GRID2: variants seen among roughly 807,000 people sequenced by gnomAD.
GRID2 encodes the protein glutamate receptor ionotropic, delta-2.
GRID2 carries 33 observed loss-of-function variants against 114.8 expected under a neutral mutation model. The ratio of observed to expected loss-of-function variants is 0.29; its 90% CI spans 0.22 to 0.38. GRID2 has a LOEUF of 0.38. Among genes scored for constraint, GRID2 ranks in the 10% least tolerant of loss-of-function variants. The probability of loss-of-function intolerance (pLI) is 1.00; values close to 1 mark genes in which losing one functional copy is unlikely to be tolerated. For synonymous variants in GRID2, 505 were observed against 449.9 expected (o/e 1.12, Z -1.55); for missense variants, 1,184 against 1,257.7 (o/e 0.94, Z 0.89).
intron 1 of GRID2, among the ~76,000 whole-genome samples, chr4:92,348,932 T>C (rs1285244365): frequency 6.6e-6 from 1 of 152,052 alleles, no homozygotes; most frequent in Non-Finnish European, 1.5e-5. Context: ...TGGCCTTAAA[T>C]TGGTGGACCT....
chr4:93,302,309 T>C (rs1754961771), intron 8 of GRID2, among the ~76,000 whole-genome samples: 1 of 152,192 alleles, frequency 6.6e-6, no homozygotes, highest in Non-Finnish European at 1.5e-5. Context: ...TACTGTCTTC[T>C]CTATAGGAAA....
chr4:92,407,041 C>T (rs1579309287), intron 1 of GRID2, among the ~76,000 whole-genome samples: 2 of 151,788 alleles, frequency 1.3e-5, no homozygotes, highest in Admixed American at 6.6e-5. Flanking sequence ...TAGTGGAAAG[C>T]GAAGGGGAAG....
chr4:93,772,265 A>G lies in GRID2; in HGVS notation c.2791A>G (p.Thr931Ala), dbSNP rs750053158. 6.2e-7 allele frequency: 1 copy of G among 1,613,930 alleles called. No homozygotes were observed. The highest frequency in any genetic ancestry group is 8.5e-7 in the Non-Finnish European group (1 of 1,179,926). Residue 931 changes from threonine to alanine, a missense_variant, in exon 16 of 16, where the codon ACC (threonine) becomes GCC (alanine). Around this residue, in one of 3 missense-constraint regions of GRID2, gnomAD observed 717 missense variants for 796.9 expected, o/e 0.90. Transcript: ENST00000282020. ...CAGGAACACTCATATTACCACAACA[A>G]CCTTTATCCCAGAGCAGATCCAGAC... Reference protein sequence around the residue: ...DFRNTHITTTTFIPEQIQTLS... With the variant: ...DFRNTHITTTAFIPEQIQTLS...
intron 13 of GRID2, among the ~76,000 whole-genome samples, chr4:93,547,027 A>G (rs1395155694): frequency 6.6e-6 from 1 of 152,138 alleles, no homozygotes; most frequent in Non-Finnish European, 1.5e-5. Context: ...TCAAAGGTGA[A>G]AGACACAGGG....
chr4:93,006,668 GT>G (rs1283646578), intron 2 of GRID2, among the ~76,000 whole-genome samples: 3 of 149,780 alleles, frequency 2.0e-5, no homozygotes, highest in Non-Finnish European at 4.5e-5. Context: ...AATTAAATAA[GT>G]TTTTTTTTCA....
intron 2 of GRID2, among the ~76,000 whole-genome samples, chr4:92,937,072 C>T (rs1168352740): frequency 6.8e-6 from 1 of 146,436 alleles, no homozygotes; most frequent in African/African-American, 2.4e-5. Context: ...TTTATACTTT[C>T]TGCATACTAG....
chr4:93,590,647 G>A lies in GRID2; in HGVS notation c.2194-35622G>A, dbSNP rs1738156744. On this transcript the variant is annotated intron_variant, in intron 13 of 15. Transcript: ENST00000282020. ...TTGAATCTGTAAATTACCTTGGGCAGTATGGCCATTTTCACGATATTGATT... is the reference window on the plus strand; with the variant it reads ...TTGAATCTGTAAATTACCTTGGGCAATATGGCCATTTTCACGATATTGATT... Among the ~76,000 whole-genome samples, 6 of 152,256 alleles carry A rather than the reference G, an allele frequency of 3.9e-5. No homozygotes were observed. In the South Asian group the frequency reaches 1.2e-3, roughly 32 times the overall value.
intron 14 of GRID2, among the ~76,000 whole-genome samples, chr4:93,729,299 T>C (rs1730258832): frequency 6.6e-6 from 1 of 152,092 alleles, no homozygotes; most frequent in African/African-American, 2.4e-5. Context: ...TTCTAGTAAA[T>C]TTCAATCTAC....
chr4:93,550,756 C>A (rs1733679006), intron 13 of GRID2, among the ~76,000 whole-genome samples: 1 of 152,092 alleles, frequency 6.6e-6, no homozygotes. Context: ...CATATTCCAG[C>A]AATGTTTTTA....
At chr4:93,736,526 A>G (rs1730934523) in intron 14 of GRID2, among the ~76,000 whole-genome samples, 1 of 152,042 alleles carries the variant, frequency 6.6e-6, no homozygotes, top group African/African-American at 2.4e-5. Context: ...TCAATGTGCT[A>G]TTTAGCAGAA....
In GRID2 at chr4:93,626,286, T is replaced by C. The variant is rs756831118; in HGVS notation, c.2211T>C (p.Tyr737=). The change falls in exon 14 of 16, where the codon TAT becomes TAC. Residue 737 remains tyrosine, a synonymous_variant. Coordinates refer to ENST00000282020, the MANE Select transcript of GRID2 (RefSeq NM_001510.4). ...TTTCACAGGTAAAATATGGAAATTATGCTTTCGTATGGGATGCAGCTGTAT... is the reference window on the plus strand; with the variant it reads ...TTTCACAGGTAAAATATGGAAATTACGCTTTCGTATGGGATGCAGCTGTAT... The part of the protein sequence containing the change: ...AGIQKVKYGN[Y]AFVWDAAVLE... 46 of 1,593,802 alleles carry C rather than the reference T, an allele frequency of 2.9e-5. No homozygotes were observed. The highest frequency in any genetic ancestry group is 3.8e-5 in the Non-Finnish European group (44 of 1,167,004).
intron 1 of GRID2, among the ~76,000 whole-genome samples, chr4:92,308,739 A>C (rs534637853): frequency 6.8e-6 from 1 of 146,360 alleles, no homozygotes; most frequent in Non-Finnish European, 1.5e-5. Flanking sequence ...TTCTTTTACC[A>C]TTTTTTTTTT....
rs1408680721 is a variant in GRID2, at chr4:93,769,371, G to A, written c.2522G>A (p.Gly841Glu). The change falls in exon 15 of 16, where the codon GGA (glycine) becomes GAA (glutamate). Residue 841 changes from glycine to glutamate, a missense_variant. Coordinates refer to ENST00000282020, the MANE Select transcript of GRID2 (RefSeq NM_001510.4). ...GGGGTCTTTTGTATCCTGGCTGCTGGAATTGTCCTCTCCTGCTTCATAGCC... is the reference window on the plus strand; with the variant it reads ...GGGGTCTTTTGTATCCTGGCTGCTGAAATTGTCCTCTCCTGCTTCATAGCC... The part of the protein sequence containing the change: ...FAGVFCILAA[G>E]IVLSCFIAML... The A allele has an allele frequency of 6.2e-7, 1 of 1,614,006 alleles. No individual in the cohort carries two copies. The highest frequency in any genetic ancestry group is 8.5e-7 in the Non-Finnish European group (1 of 1,179,948).
chr4:93,083,546 A>G (rs1730064185), intron 2 of GRID2, among the ~76,000 whole-genome samples: 1 of 151,900 alleles, frequency 6.6e-6, no homozygotes, highest in Non-Finnish European at 1.5e-5. Flanking sequence ...ACACAAAAAA[A>G]TCAGCTGGGC....
At chr4:92,772,540 C>T (rs549147382) in intron 2 of GRID2, among the ~76,000 whole-genome samples, 14 of 152,168 alleles carry the variant, frequency 9.2e-5, no homozygotes, top group African/African-American at 2.4e-4. Flanking sequence ...TTATTCATAA[C>T]GAGCATATCT....
chr4:93,787,658 G>A (rs1734619739), intron 1 of GRID2, among the ~76,000 whole-genome samples: 1 of 152,088 alleles, frequency 6.6e-6, no homozygotes, highest in South Asian at 2.1e-4. Context: ...AAAATTGAGG[G>A]GAGGAGTTTC....
chr4:93,028,679 C>A (rs535543542), intron 2 of GRID2, among the ~76,000 whole-genome samples: 1 of 151,800 alleles, frequency 6.6e-6, no homozygotes, highest in South Asian at 2.1e-4. Flanking sequence ...TTAGTAAGCC[C>A]TACATTCGCT....
chr4:93,321,707 T>G (rs7698899), intron 8 of GRID2, among the ~76,000 whole-genome samples: 13,602 of 151,990 alleles, frequency 0.089, 669 homozygotes, highest in Middle Eastern at 0.12. Context: ...TATTATATTC[T>G]CTAGGTTTTC....
intron 1 of GRID2, among the ~76,000 whole-genome samples, chr4:93,799,010 A>T (rs1291813487): frequency 2.0e-5 from 3 of 152,182 alleles, no homozygotes; most frequent in Non-Finnish European, 4.4e-5. Flanking sequence ...AGGCTCAGAG[A>T]ACAGGAGCTC....
Sources: gnomAD v4.1 joint callset for allele counts (sites outside exome capture counted in the v4.1 genomes callset) on GRCh38, gnomAD v4.1.1 for gene constraint, gnomAD v4.1.1 regional missense constraint, MANE v1.5 for transcripts, NCBI Gene and HGNC (gene_info 2026-07-23, HGNC 2026-07-21) for gene names.